Variants in FAM13A observed in about 807,000 individuals in gnomAD.
The protein encoded by FAM13A is protein FAM13A.
In FAM13A, 76 loss-of-function variants were observed where a neutral mutation model predicts 129.6. The ratio of observed to expected loss-of-function variants is 0.59; its 90% confidence interval spans 0.49 to 0.71. FAM13A has a LOEUF of 0.71. Ranked by LOEUF, FAM13A falls within the 30% of genes least tolerant of loss-of-function variation. The pLI is 0.00. For missense variants in FAM13A, 1,108 were observed against 1,249.3 expected, an observed-to-expected ratio of 0.89 and a Z score of 1.70; for synonymous variants, 443 against 449.9, an observed-to-expected ratio of 0.98 and a Z score of 0.20.
intron 6 of FAM13A, among the ~76,000 whole-genome samples, chr4:88,881,625 A>T (rs1743585736): frequency 1.3e-5 from 2 of 152,228 alleles, no homozygotes. Context: ...CAAAACAAGA[A>T]GAAATCTCTG....
chr4:88,894,524 A>G (rs982382292), intron 6 of FAM13A, among the ~76,000 whole-genome samples: 5 of 152,012 alleles, frequency 3.3e-5, no homozygotes, highest in Non-Finnish European at 5.9e-5. Flanking sequence ...ATAAGTATTA[A>G]TTTTATTTTT....
intron 7 of FAM13A, among the ~76,000 whole-genome samples, chr4:88,826,987 C>T (rs1733109015): frequency 6.6e-6 from 1 of 152,058 alleles, no homozygotes; most frequent in Non-Finnish European, 1.5e-5. Flanking sequence ...GAGCTATTTC[C>T]CTCTTCCTTC....
intron 10 of FAM13A, among the ~76,000 whole-genome samples, chr4:88,781,665 T>A (rs142872287): frequency 4.7e-4 from 72 of 152,216 alleles, no homozygotes; most frequent in African/African-American, 1.6e-3. Flanking sequence ...AAATTTCCTA[T>A]TATTCACAGT....
intron 3 of FAM13A, among the ~76,000 whole-genome samples, chr4:88,996,813 C>T (rs911540346): frequency 3.9e-5 from 6 of 152,088 alleles, no homozygotes; most frequent in African/African-American, 1.4e-4. Context: ...GGTTGAGTTT[C>T]AACCATCTTT....
intron 6 of FAM13A, among the ~76,000 whole-genome samples, chr4:88,902,206 G>T (rs1747408586): frequency 6.6e-6 from 1 of 152,066 alleles, no homozygotes; most frequent in African/African-American, 2.4e-5. Context: ...CATTTCTATT[G>T]AAACTATTCC....
chr4:88,786,636 C>T (rs1295419884), intron 10 of FAM13A, among the ~76,000 whole-genome samples: 1 of 151,946 alleles, frequency 6.6e-6, no homozygotes, highest in African/African-American at 2.4e-5. Context: ...ACTGCACATG[C>T]TACTTGTAAA....
chr4:89,001,278 T>C lies in FAM13A; in HGVS notation c.428-10128A>G, dbSNP rs561840129. Among the ~76,000 whole-genome samples the C allele has an allele frequency of 3.3e-5, 5 of 152,334 alleles. No individual in the cohort carries two copies. The South Asian group carries it at 1.0e-3, about 32-fold the overall frequency. ...GTCATCTGTGGAAACCTGGGTTTCCTGCCACCAGATTTCCAATTTATTCCA... is the reference window on the plus strand; with the variant it reads ...GTCATCTGTGGAAACCTGGGTTTCCCGCCACCAGATTTCCAATTTATTCCA... On this transcript the variant is annotated intron_variant, in intron 3 of 23. Coordinates refer to ENST00000264344, the MANE Select transcript of FAM13A (RefSeq NM_014883.4).
chr4:89,014,480 C>A (rs554004321), intron 3 of FAM13A, among the ~76,000 whole-genome samples: 1 of 152,098 alleles, frequency 6.6e-6, no homozygotes, highest in Non-Finnish European at 1.5e-5. Context: ...TTTTTGTAAC[C>A]AGAATCATGC....
chr4:88,880,821 T>G, intron 6 of FAM13A, among the ~76,000 whole-genome samples: 1 of 145,188 alleles, frequency 6.9e-6, no homozygotes. Flanking sequence ...AGACTGGCCT[T>G]TTGGGCTGCG....
intron 4 of FAM13A, among the ~76,000 whole-genome samples, chr4:88,984,656 A>G (rs1481840522): frequency 1.3e-5 from 2 of 152,338 alleles, no homozygotes; most frequent in East Asian, 3.9e-4. Flanking sequence ...TGGTTCGCCC[A>G]TACATTGCTG....
intron 6 of FAM13A, among the ~76,000 whole-genome samples, chr4:88,856,639 C>T (rs1240824606): frequency 3.3e-5 from 5 of 152,158 alleles, no homozygotes; most frequent in Admixed American, 2.0e-4. Flanking sequence ...ATATTCAAGG[C>T]TTAAATGATT....
intron 7 of FAM13A, among the ~76,000 whole-genome samples, chr4:88,814,126 G>A (rs1396464217): frequency 5.3e-5 from 8 of 152,174 alleles, no homozygotes; most frequent in Non-Finnish European, 8.8e-5. Context: ...CATGGAGGAA[G>A]GAATTACTAA....
At chr4:88,963,428 G>T (rs1194099246) in intron 4 of FAM13A, among the ~76,000 whole-genome samples, 1 of 151,656 alleles carries the variant, frequency 6.6e-6, no homozygotes, top group Admixed American at 6.6e-5. Flanking sequence ...CTCCCTGGTA[G>T]CTAGGATTAT....
At position 88,741,314 on chromosome 4, in the gene FAM13A, G is replaced by A. The variant is rs182968686; in HGVS notation, c.2467-2189C>T. Among the ~76,000 whole-genome samples the A allele has an allele frequency of 2.6e-5, 4 of 152,262 alleles. No homozygotes were observed. In the East Asian group the frequency reaches 7.7e-4, roughly 29 times the overall value. On this transcript the variant is annotated intron_variant, in intron 19 of 23. Transcript: ENST00000264344. ...CCCAAATTGAATACTACACAGCAAC[G>A]AGAATAAGTGAATCACAGCTATATG...
At chr4:89,000,814 A>G (rs1764155921) in intron 3 of FAM13A, among the ~76,000 whole-genome samples, 1 of 152,254 alleles carries the variant, frequency 6.6e-6, no homozygotes, top group Non-Finnish European at 1.5e-5. Context: ...TCAGTTAAAG[A>G]TGAGTGTACC....
intron 7 of FAM13A, among the ~76,000 whole-genome samples, chr4:88,839,079 T>C (rs896569714): frequency 2.6e-5 from 4 of 152,196 alleles, no homozygotes; most frequent in Non-Finnish European, 5.9e-5. Context: ...ATTTTGTTCC[T>C]GGGCTTTTGT....
rs115096307 is a variant in FAM13A at position 89,040,038 on chromosome 4, C to A, written c.28-10389G>T. Among the ~76,000 whole-genome samples the A allele has an allele frequency of 9.0e-3, 1,374 of 151,858 alleles. 17 individuals are homozygous for A. Among genetic ancestry groups the A allele is most frequent in the African/African-American group, 0.032 (1,325 of 41,434 alleles). On this transcript the variant is annotated intron_variant, in intron 1 of 23. Coordinates refer to ENST00000264344, the MANE Select transcript of FAM13A (RefSeq NM_014883.4). ...ATGTGAAAATGTATTGGATATTAGA[C>A]AGTGTAACTTTAAATATTTTAGGTA...
intron 3 of FAM13A, among the ~76,000 whole-genome samples, chr4:89,004,190 G>A (rs1374043449): frequency 3.9e-5 from 6 of 152,182 alleles, no homozygotes; most frequent in African/African-American, 1.4e-4. Context: ...CCAGGCTGGA[G>A]TGCAGTGGTG....
intron 5 of FAM13A, among the ~76,000 whole-genome samples, chr4:88,915,680 C>T (rs1012200805): frequency 2.6e-5 from 4 of 152,098 alleles, no homozygotes; most frequent in Admixed American, 6.5e-5. Context: ...TTGTCAAGTG[C>T]TATGGTTTGA....
Sources: allele counts gnomAD v4.1 joint callset (sites outside exome capture counted in the v4.1 genomes callset), GRCh38; gene constraint gnomAD v4.1.1; transcripts MANE v1.5; gene names NCBI Gene and HGNC (gene_info 2026-07-23, HGNC 2026-07-21).